Variants in PIK3CB observed in about 807,000 individuals in gnomAD.
PIK3CB encodes phosphatidylinositol 4,5-bisphosphate 3-kinase catalytic subunit beta isoform.
In PIK3CB, 39 loss-of-function variants were observed where a neutral mutation model predicts 136.8. The ratio of observed to expected loss-of-function variants is 0.29; its 90% CI spans 0.22 to 0.37. The LOEUF is 0.37. Among genes scored for constraint, PIK3CB ranks in the 10% least tolerant of loss-of-function variants. The pLI, the probability that PIK3CB is intolerant of heterozygous loss-of-function variation, is 1.00. For synonymous variants in PIK3CB, 428 were observed against 436.6 expected (o/e 0.98, Z 0.25); for missense variants, 868 against 1,275.4 (o/e 0.68, Z 4.87).
intron 1 of PIK3CB, among the ~76,000 whole-genome samples, chr3:138,820,155 G>GCT: frequency 6.6e-6 from 1 of 152,036 alleles, no homozygotes; most frequent in East Asian, 1.9e-4. Context: ...TATTACTAAG[G>GCT]CTAACATGAC....
chr3:138,744,429 G>T (rs1444920188), intron 4 of PIK3CB, among the ~76,000 whole-genome samples: 3 of 75,684 alleles, frequency 4.0e-5, no homozygotes, highest in Non-Finnish European at 9.4e-5. Flanking sequence ...AAAAGGAAGT[G>T]GATCACCATA....
intron 4 of PIK3CB, among the ~76,000 whole-genome samples, chr3:138,747,743 T>A (rs2108687872): frequency 6.6e-6 from 1 of 152,312 alleles, no homozygotes; most frequent in African/African-American, 2.4e-5. Context: ...TAGGCTGTGA[T>A]TCGTCTGCAA....
chr3:138,709,011 G>C (rs2044438842), intron 10 of PIK3CB, among the ~76,000 whole-genome samples: 1 of 151,176 alleles, frequency 6.6e-6, no homozygotes, highest in Non-Finnish European at 1.5e-5. Flanking sequence ...TCAATCTCCT[G>C]GACTCAAGTG....
intron 11 of PIK3CB, among the ~76,000 whole-genome samples, chr3:138,704,992 G>A (rs569446928): frequency 6.6e-6 from 1 of 150,626 alleles, no homozygotes; most frequent in African/African-American, 2.4e-5. Flanking sequence ...GGTCTATGTT[G>A]CCCAAGCTCG....
rs1479471772 is a variant in PIK3CB at position 138,756,061 on chromosome 3, T to C, written c.172-82A>G. 3 of 596,002 alleles carry C rather than the reference T, an allele frequency of 5.0e-6. No individual in the cohort carries two copies. In the African/African-American group the frequency reaches 5.7e-5, roughly 11 times the overall value. The allele number at this position is 596,002 out of a possible 1,614,324, so 36.9% of individuals were successfully genotyped here. On this transcript the variant is annotated intron_variant, in intron 3 of 23. Transcript: ENST00000674063. ...GATATAAGGATGCTCACTGCAGCAC[T>C]GTTTGTAAAAATAAAAAACTATGAA...
chr3:138,675,778 T>C (rs976104863), intron 19 of PIK3CB, among the ~76,000 whole-genome samples: 1 of 152,182 alleles, frequency 6.6e-6, no homozygotes, highest in South Asian at 2.1e-4. Context: ...GATTCATTCT[T>C]CCTGGTTTCA....
At chr3:138,792,264 CAG>C (rs1232790569) in intron 2 of PIK3CB, among the ~76,000 whole-genome samples, 1 of 152,142 alleles carries the variant, frequency 6.6e-6, no homozygotes, top group Non-Finnish European at 1.5e-5. Flanking sequence ...TAAACATGTA[CAG>C]ACTTTTTTCT....
chr3:138,774,751 T>G (rs763854800), intron 2 of PIK3CB, among the ~76,000 whole-genome samples: 26 of 152,360 alleles, frequency 1.7e-4, no homozygotes, highest in Non-Finnish European at 3.7e-4. Context: ...GCCATCTGGA[T>G]AGCAAACAGT....
In PIK3CB at chr3:138,700,374, T is replaced by G. The variant is rs139681965; in HGVS notation, c.1582-1279A>C. ...AGGCTGGGGTAGGGAAAGTACTAGA[T>G]GAGTGTGGAATACGCTGTTGTATCG... On this transcript the variant is annotated intron_variant, in intron 12 of 23. Coordinates refer to ENST00000674063, the MANE Select transcript of PIK3CB (RefSeq NM_006219.3). 2.9e-3 allele frequency among the ~76,000 whole-genome samples: 439 copies of G among 151,986 alleles called. 1 individual carries two copies. The highest frequency in any genetic ancestry group is 9.7e-3 in the African/African-American group (402 of 41,456).
intron 1 of PIK3CB, among the ~76,000 whole-genome samples, chr3:138,823,346 A>C (rs1234100002): frequency 6.6e-6 from 1 of 152,122 alleles, no homozygotes. Flanking sequence ...TGAAATATGA[A>C]TAGTTATTGT....
chr3:138,771,223 CT>C (rs34387538), intron 2 of PIK3CB, among the ~76,000 whole-genome samples: 96 of 129,794 alleles, frequency 7.4e-4, no homozygotes, highest in African/African-American at 1.1e-3. Context: ...TTCATTTTGC[CT>C]TTTTTTTTTT....
At chr3:138,677,340 G>T (rs2043668738) in intron 19 of PIK3CB, among the ~76,000 whole-genome samples, 1 of 152,126 alleles carries the variant, frequency 6.6e-6, no homozygotes, top group Non-Finnish European at 1.5e-5. Context: ...TTACAGGCGT[G>T]AGCCACCGTG....
intron 9 of PIK3CB, 32 bp from the exon 10 acceptor site, chr3:138,712,336 C>T (rs746982459): frequency 2.0e-6 from 2 of 991,750 alleles, no homozygotes; most frequent in Non-Finnish European, 1.5e-6. Context: ...CATAAATATG[C>T]TAAGAATAAC....
At chr3:138,824,659 C>A (rs1933702486) in intron 1 of PIK3CB, among the ~76,000 whole-genome samples, 2 of 151,578 alleles carry the variant, frequency 1.3e-5, no homozygotes, top group Admixed American at 1.3e-4. Context: ...CGCCATTGCA[C>A]TCCAGCCTGG....
At position 138,737,743 on chromosome 3, in the gene PIK3CB, T is replaced by C. The variant is rs1249839061; in HGVS notation, c.765A>G (p.Glu255=). 2 of 1,609,486 alleles carry C rather than the reference T, an allele frequency of 1.2e-6. No individual in the cohort carries two copies. The highest frequency in any genetic ancestry group is 1.7e-6 in the Non-Finnish European group (2 of 1,177,876). The change falls in exon 6 of 24, where the codon GAA becomes GAG. Residue 255 remains glutamate, a synonymous_variant. Coordinates refer to ENST00000674063, the MANE Select transcript of PIK3CB (RefSeq NM_006219.3). Reference sequence around the variant, plus strand: ...TTAGTGGATGATCACCAAAAACATATTCTACTCTCCCGCTGACTTGCAACA... The same window carrying C: ...TTAGTGGATGATCACCAAAAACATACTCTACTCTCCCGCTGACTTGCAACA... ...DYVLQVSGRV[E]YVFGDHPLIQ...
chr3:138,689,197 C>A (rs190347410), intron 15 of PIK3CB, among the ~76,000 whole-genome samples: 1 of 151,450 alleles, frequency 6.6e-6, no homozygotes. Context: ...CTCCACCCAC[C>A]GGGTTCAAGC....
chr3:138,825,395 GTGT>G (rs1327225010), intron 1 of PIK3CB: 4 of 636,368 alleles, frequency 6.3e-6, no homozygotes, highest in Non-Finnish European at 1.1e-5. Context: ...CAACTAATTG[GTGT>G]TAACAAAATG....
At chr3:138,782,621 A>C (rs983814190) in intron 2 of PIK3CB, among the ~76,000 whole-genome samples, 4 of 152,214 alleles carry the variant, frequency 2.6e-5, no homozygotes, top group Non-Finnish European at 1.5e-5. Context: ...CCATGTACTA[A>C]GTTCTTTCCA....
At chr3:138,799,119 G>A (rs2046141489) in intron 1 of PIK3CB, among the ~76,000 whole-genome samples, 1 of 151,764 alleles carries the variant, frequency 6.6e-6, no homozygotes, top group Non-Finnish European at 1.5e-5. Context: ...CTACTCGGGA[G>A]GCTGAGGCTA....
Sources: gnomAD v4.1 joint callset for allele counts (sites outside exome capture counted in the v4.1 genomes callset) on GRCh38, gnomAD v4.1.1 for gene constraint, MANE v1.5 for transcripts, NCBI Gene and HGNC (gene_info 2026-07-23, HGNC 2026-07-21) for gene names.